Variants in VOPP1 observed in about 807,000 individuals in gnomAD.
The protein encoded by VOPP1 is WW domain binding protein VOPP1.
Under a neutral mutation model 23.5 loss-of-function variants are expected in VOPP1, and 8 were observed. The ratio of observed to expected loss-of-function variants is 0.34; its 90% CI spans 0.20 to 0.61. The LOEUF (loss-of-function observed/expected upper bound fraction) is 0.61. Ranked by LOEUF, VOPP1 falls within the 20% of genes least tolerant of loss-of-function variation. VOPP1 has a pLI of 0.78. For synonymous variants in VOPP1, 83 were observed against 97.3 expected, an observed-to-expected ratio of 0.85 and a Z score of 0.86; for missense variants, 174 against 238.1, an observed-to-expected ratio of 0.73 and a Z score of 1.77.
At chr7:55,494,573 T>C (rs1320817015) in intron 3 of VOPP1, among the ~76,000 whole-genome samples, 1 of 152,198 alleles carries the variant, frequency 6.6e-6, no homozygotes. Flanking sequence ...TTACACGGGA[T>C]CCACTTCATC....
intron 2 of VOPP1, among the ~76,000 whole-genome samples, chr7:55,502,797 C>T (rs1031314630): frequency 2.0e-5 from 3 of 152,142 alleles, no homozygotes; most frequent in African/African-American, 7.2e-5. Flanking sequence ...AATGCTGCTC[C>T]CAAGGACGTC....
intron 1 of VOPP1, chr7:55,561,929 T>G: frequency 1.4e-6 from 1 of 702,730 alleles, no homozygotes; most frequent in Non-Finnish European, 2.6e-6. Context: ...GAAACGGCAG[T>G]CAAAGGAATG....
chr7:55,484,652 A>T (rs1792993420), intron 4 of VOPP1, among the ~76,000 whole-genome samples: 1 of 152,224 alleles, frequency 6.6e-6, no homozygotes, highest in Admixed American at 6.5e-5. Context: ...CATGTAGCAA[A>T]GCTAATTAAC....
At chr7:55,540,806 G>A (rs1428991667) in intron 1 of VOPP1, among the ~76,000 whole-genome samples, 3 of 152,250 alleles carry the variant, frequency 2.0e-5, no homozygotes, top group Non-Finnish European at 2.9e-5. Flanking sequence ...AGACAGAGTC[G>A]ATGCCACAAT....
intron 3 of VOPP1, among the ~76,000 whole-genome samples, chr7:55,497,187 A>G (rs1166721644): frequency 1.3e-5 from 2 of 152,238 alleles, no homozygotes; most frequent in East Asian, 3.8e-4. Flanking sequence ...CAGGCTGCCT[A>G]TCTTGAAAGC....
chr7:55,469,530 G>A (rs1210562652), downstream of VOPP1, among the ~76,000 whole-genome samples: 1 of 152,192 alleles, frequency 6.6e-6, no homozygotes, highest in Non-Finnish European at 1.5e-5. Flanking sequence ...AGTAGTCAGT[G>A]GATTTGTCGG....
At chr7:55,487,939 C>G (rs1299339209) in intron 4 of VOPP1, among the ~76,000 whole-genome samples, 1 of 152,218 alleles carries the variant, frequency 6.6e-6, no homozygotes, top group East Asian at 1.9e-4. Context: ...CTCCACCGTT[C>G]TACAGTTCCT....
At chr7:55,564,798 G>C (rs1177719012) in intron 1 of VOPP1, among the ~76,000 whole-genome samples, 4 of 152,110 alleles carry the variant, frequency 2.6e-5, no homozygotes, top group African/African-American at 9.7e-5. Context: ...ATCTTCCAAA[G>C]GGCCTCCAGC....
intron 1 of VOPP1, among the ~76,000 whole-genome samples, chr7:55,535,977 C>T (rs912353327): frequency 1.3e-5 from 2 of 152,212 alleles, no homozygotes; most frequent in South Asian, 2.1e-4. Context: ...CACTCTGTGC[C>T]AAGCAAGGAT....
At chr7:55,532,741 C>G (rs1172654281) in intron 1 of VOPP1, among the ~76,000 whole-genome samples, 1 of 152,206 alleles carries the variant, frequency 6.6e-6, no homozygotes. Flanking sequence ...CACACCCTGT[C>G]AGCATTCTCT....
intron 1 of VOPP1, among the ~76,000 whole-genome samples, chr7:55,525,439 A>C (rs1007198217): frequency 1.3e-5 from 2 of 151,078 alleles, no homozygotes; most frequent in African/African-American, 4.9e-5. Flanking sequence ...CAGTGAGCCG[A>C]GATTGCGCCA....
chr7:55,562,539 C>G (rs1284613451), intron 1 of VOPP1, among the ~76,000 whole-genome samples: 1 of 152,184 alleles, frequency 6.6e-6, no homozygotes, highest in Non-Finnish European at 1.5e-5. Flanking sequence ...ATCACAACAG[C>G]AAGACAGACT....
At chr7:55,526,866 C>T (rs534722816) in intron 1 of VOPP1, 2 of 152,242 alleles carry the variant, frequency 1.3e-5, no homozygotes, top group Non-Finnish European at 2.9e-5. Flanking sequence ...CCAAGGACTC[C>T]ATCTTTTTCA....
chr7:55,476,385 G>T (rs1257185788), intron 4 of VOPP1, among the ~76,000 whole-genome samples: 1 of 144,774 alleles, frequency 6.9e-6, no homozygotes, highest in African/African-American at 2.5e-5. Context: ...ATTCTTAGCA[G>T]GACCTGCCAC....
At chr7:55,505,541 G>A (rs1306138109) in intron 2 of VOPP1, among the ~76,000 whole-genome samples, 1 of 151,614 alleles carries the variant, frequency 6.6e-6, no homozygotes, top group African/African-American at 2.4e-5. Context: ...GAGCAGATCG[G>A]TTTCAGCATC....
intron 4 of VOPP1, among the ~76,000 whole-genome samples, chr7:55,475,410 G>A (rs147688182): frequency 1.3e-5 from 2 of 152,262 alleles, no homozygotes; most frequent in South Asian, 2.1e-4. Flanking sequence ...CTCCACTGCC[G>A]GGCGAAGCAG....
At chr7:55,524,923 T>C (rs1394849230) in intron 1 of VOPP1, among the ~76,000 whole-genome samples, 2 of 152,186 alleles carry the variant, frequency 1.3e-5, no homozygotes, top group African/African-American at 4.8e-5. Context: ...GCTAGAGCTG[T>C]GGTCAAAGGG....
chr7:55,499,989 A>T (rs1326495319), intron 2 of VOPP1, among the ~76,000 whole-genome samples: 1 of 152,056 alleles, frequency 6.6e-6, no homozygotes, highest in Non-Finnish European at 1.5e-5. Context: ...GAGATGAAGG[A>T]CTTCTTGCTT....
At chr7:55,462,655 A>ATTT (rs1191796338) in intron 4 of VOPP1, among the ~76,000 whole-genome samples, 23 of 122,612 alleles carry the variant, frequency 1.9e-4, no homozygotes, top group East Asian at 7.1e-4. Flanking sequence ...TCTTGATTAT[A>ATTT]TTTTTTTTTT....
Sources: allele counts gnomAD v4.1 joint callset (sites outside exome capture counted in the v4.1 genomes callset), GRCh38; gene constraint gnomAD v4.1.1; transcripts MANE v1.5; gene names NCBI Gene and HGNC (gene_info 2026-07-23, HGNC 2026-07-21).